The following TIFA variants were observed in gnomAD, a reference collection of about 807,000 sequenced individuals.
TIFA encodes the protein TRAF interacting protein with forkhead associated domain, also known as TRAF-interacting protein with FHA domain-containing protein A.
For missense variants in TIFA, 186 were observed against 215.2 expected (o/e 0.86, Z 0.85); for synonymous variants, 75 against 79.2 (o/e 0.95, Z 0.28).
intron 1 of TIFA, chr4:112,281,804 T>C (rs376799520): frequency 2.0e-5 from 3 of 152,202 alleles, no homozygotes; most frequent in African/African-American, 4.8e-5. Context: ...CGAAGACAGA[T>C]ACATAAAGGA....
chr4:112,284,176 A>C (rs1727276304), intron 1 of TIFA, among the ~76,000 whole-genome samples: 2 of 152,082 alleles, frequency 1.3e-5, no homozygotes, highest in African/African-American at 4.8e-5. Flanking sequence ...GGAAGAGAAG[A>C]GTTAGATCGA....
intron 1 of TIFA, among the ~76,000 whole-genome samples, chr4:112,281,240 T>G (rs1269900690): frequency 6.6e-6 from 1 of 152,246 alleles, no homozygotes; most frequent in Non-Finnish European, 1.5e-5. Flanking sequence ...AAAGGAGAAC[T>G]GTATTAAAAA....
intron 1 of TIFA, among the ~76,000 whole-genome samples, chr4:112,283,622 T>A (rs1430597466): frequency 6.6e-6 from 1 of 152,210 alleles, no homozygotes; most frequent in African/African-American, 2.4e-5. Context: ...TTTTAAAAAA[T>A]CATTGGTGCA....
intron 1 of TIFA, among the ~76,000 whole-genome samples, chr4:112,284,588 A>G (rs1162140370): frequency 6.6e-6 from 1 of 152,132 alleles, no homozygotes; most frequent in Non-Finnish European, 1.5e-5. Context: ...GAAAATGTTT[A>G]CTTTCATTTC....
rs1727076036 is a variant in TIFA at position 112,274,893 on chromosome 4, T to G, written c.*2969A>C. ...AAAATGGTTATATGGCCTATGAGAT[T>G]TAACCACTGGAGTTGCAGGTTCAAG... On this transcript the variant is annotated 3_prime_UTR_variant, in exon 2 of 2. Coordinates refer to ENST00000361717, the MANE Select transcript of TIFA (RefSeq NM_052864.3). 1 of 152,134 alleles carries G rather than the reference T, an allele frequency of 6.6e-6. No homozygotes were observed. The highest frequency in any genetic ancestry group is 1.5e-5 in the Non-Finnish European group (1 of 68,030). 9.4% of individuals were successfully genotyped at this position (152,134 alleles called of 1,614,324 possible). A position where few individuals can be genotyped will look rare whatever the true frequency, so the allele number is the denominator to read the frequency against.
At chr4:112,280,750 T>G (rs548063856) in intron 1 of TIFA, among the ~76,000 whole-genome samples, 2 of 152,200 alleles carry the variant, frequency 1.3e-5, no homozygotes, top group African/African-American at 4.8e-5. Flanking sequence ...ACAAATGACA[T>G]AGCTAAGCAA....
chr4:112,279,959 A>G (rs974433105), intron 1 of TIFA, among the ~76,000 whole-genome samples: 3 of 152,108 alleles, frequency 2.0e-5, no homozygotes, highest in Admixed American at 2.0e-4. Flanking sequence ...GTGAGCCACT[A>G]TGCCTGACCA....
At chr4:112,278,965 G>A (rs1256860625) in intron 1 of TIFA, among the ~76,000 whole-genome samples, 3 of 152,170 alleles carry the variant, frequency 2.0e-5, no homozygotes, top group African/African-American at 7.2e-5. Flanking sequence ...ACAAACAATT[G>A]TAACATTTAT....
chr4:112,285,235 C>A (rs977789308), intron 1 of TIFA, among the ~76,000 whole-genome samples: 19 of 150,992 alleles, frequency 1.3e-4, no homozygotes, highest in Non-Finnish European at 2.2e-4. Flanking sequence ...TCAGAAAGGT[C>A]TCGCTTGGCC....
At chr4:112,279,311 G>A (rs1007249437) in intron 1 of TIFA, among the ~76,000 whole-genome samples, 9 of 152,326 alleles carry the variant, frequency 5.9e-5, no homozygotes, top group African/African-American at 2.2e-4. Flanking sequence ...CTTAAAAGCA[G>A]TATAACAGGA....
In TIFA at chr4:112,277,216, A is replaced by T. The variant is rs1292363027; in HGVS notation, c.*646T>A. On this transcript the variant is annotated 3_prime_UTR_variant, in exon 2 of 2. Transcript: ENST00000361717. ...AAGTAAATAATCCTAAACTTAACAC[A>T]GTGGTTCTTTAAAATGTTTAAATAT... 6.6e-6 allele frequency: 1 copy of T among 152,248 alleles called. No homozygotes were observed. Among genetic ancestry groups the T allele is most frequent in the Admixed American group, 6.5e-5 (1 of 15,288 alleles). 9.4% of individuals were successfully genotyped at this position (152,248 alleles called of 1,614,324 possible).
chr4:112,284,245 T>G (rs1236692146), intron 1 of TIFA, among the ~76,000 whole-genome samples: 1 of 151,786 alleles, frequency 6.6e-6, no homozygotes, highest in East Asian at 1.9e-4. Flanking sequence ...AGAGGTGCTA[T>G]GTGCAAAAAC....
intron 1 of TIFA, among the ~76,000 whole-genome samples, chr4:112,282,822 T>A (rs1727251162): frequency 6.6e-6 from 1 of 152,180 alleles, no homozygotes; most frequent in South Asian, 2.1e-4. Flanking sequence ...CTTCCCACCC[T>A]ACTTTATAAA....
intron 1 of TIFA, among the ~76,000 whole-genome samples, chr4:112,279,450 G>A (rs1009606026): frequency 1.3e-5 from 2 of 152,100 alleles, no homozygotes; most frequent in East Asian, 3.9e-4. Flanking sequence ...TTAAAAAAAA[G>A]AGTATTTCTC....
At chr4:112,285,072 T>C (rs547505155) in intron 1 of TIFA, among the ~76,000 whole-genome samples, 147 of 152,230 alleles carry the variant, frequency 9.7e-4, no homozygotes, top group Admixed American at 2.4e-3. Flanking sequence ...GGATTTTGGC[T>C]TCAGAGGATT....
chr4:112,274,550 A>G lies in TIFA; in HGVS notation c.*3312T>C, dbSNP rs988562952. On this transcript the variant is annotated 3_prime_UTR_variant, in exon 2 of 2. Transcript: ENST00000361717. ...TAACAAAGCCTGTTATCTTAATAATATAAGTAATTAATTAAACAAGTGTTA... is the reference window on the plus strand; with the variant it reads ...TAACAAAGCCTGTTATCTTAATAATGTAAGTAATTAATTAAACAAGTGTTA... The G allele has an allele frequency of 1.3e-5, 2 of 152,208 alleles. No homozygotes were observed. The highest frequency in any genetic ancestry group is 1.9e-4 in the East Asian group (1 of 5,204). The allele number at this position is 152,208 out of a possible 1,614,324, so 9.4% of individuals were successfully genotyped here. A position where few individuals can be genotyped will look rare whatever the true frequency, so the allele number is the denominator to read the frequency against.
chr4:112,281,351 A>G (rs1727224317), intron 1 of TIFA, among the ~76,000 whole-genome samples: 1 of 152,240 alleles, frequency 6.6e-6, no homozygotes, highest in African/African-American at 2.4e-5. Flanking sequence ...TCTTCTGAGC[A>G]AATCAACCAC....
intron 1 of TIFA, among the ~76,000 whole-genome samples, chr4:112,284,241 G>T (rs1727277429): frequency 6.6e-6 from 1 of 151,720 alleles, no homozygotes; most frequent in Non-Finnish European, 1.5e-5. Context: ...GTGTAGAGGT[G>T]CTATGTGCAA....
At chr4:112,282,381 G>C (rs1392147910) in intron 1 of TIFA, among the ~76,000 whole-genome samples, 3 of 152,206 alleles carry the variant, frequency 2.0e-5, no homozygotes, top group African/African-American at 7.2e-5. Flanking sequence ...GTGCCAGGCA[G>C]ACTGCTGATA....
Sources: gnomAD v4.1 joint callset for allele counts (sites outside exome capture counted in the v4.1 genomes callset) on GRCh38, gnomAD v4.1.1 for gene constraint, MANE v1.5 for transcripts, NCBI Gene and HGNC (gene_info 2026-07-23, HGNC 2026-07-21) for gene names.